The following DNAH3 variants were observed in gnomAD, a reference collection of about 807,000 sequenced individuals.
The protein encoded by DNAH3 is axonemal beta dynein heavy chain 3.
Under a neutral mutation model 432.5 loss-of-function variants are expected in DNAH3, and 332 were observed. The observed-to-expected ratio is 0.77, with a 90% CI of 0.70 to 0.84. The LOEUF (loss-of-function observed/expected upper bound fraction) is 0.84. DNAH3 is among the 40% of genes least tolerant of loss of function. DNAH3 has a pLI of 0.00. For missense variants in DNAH3, 4,861 were observed against 5,114.0 expected (o/e 0.95, Z 1.51); for synonymous variants, 1,956 against 1,900.2 (o/e 1.03, Z -0.76).
chr16:21,114,437 A>G (rs998076172), intron 12 of DNAH3, among the ~76,000 whole-genome samples: 1 of 152,220 alleles, frequency 6.6e-6, no homozygotes, highest in African/African-American at 2.4e-5. Flanking sequence ...GATGATAGTG[A>G]GTAAGCAGAA....
At position 21,098,340 on chromosome 16, in the gene DNAH3, G is replaced by A. The variant is rs1157799083; in HGVS notation, c.2520+276C>T. Among the ~76,000 whole-genome samples, 3 of 151,214 alleles carry A rather than the reference G, an allele frequency of 2.0e-5. No homozygotes were observed. The Admixed American group carries it at 2.0e-4, about 10-fold the overall frequency. On this transcript the variant is annotated intron_variant, in intron 17 of 61. Transcript: ENST00000261383. ...TGTAATCCCAGCTACTTGGAAGGCT[G>A]AGGCAGGAGAATCACTTGAACCCAG...
At chr16:20,980,395 C>T (rs2085843516) in intron 49 of DNAH3, among the ~76,000 whole-genome samples, 2 of 129,060 alleles carry the variant, frequency 1.5e-5, no homozygotes, top group Non-Finnish European at 3.4e-5. Context: ...GAGAGAGAGA[C>T]AGGATTGCAC....
intron 41 of DNAH3, among the ~76,000 whole-genome samples, chr16:21,011,942 T>C (rs2087622674): frequency 3.9e-5 from 6 of 152,140 alleles, no homozygotes; most frequent in Admixed American, 3.9e-4. Flanking sequence ...ATCCTTACTA[T>C]TATTATTGTC....
At chr16:20,948,777 G>A (rs1002694761) in intron 56 of DNAH3, 140 bp from the exon 57 acceptor site, 26 of 937,708 alleles carry the variant, frequency 2.8e-5, no homozygotes, top group African/African-American at 2.3e-4. Context: ...GGAAAATTCC[G>A]GGCAGAAGAT....
chr16:21,077,181 C>G (rs2091005228), intron 20 of DNAH3, among the ~76,000 whole-genome samples: 1 of 151,594 alleles, frequency 6.6e-6, no homozygotes, highest in South Asian at 2.1e-4. Flanking sequence ...TTTTTTCCCC[C>G]AGATGGAGTC....
chr16:20,955,214 A>G (rs1383901649), intron 54 of DNAH3, among the ~76,000 whole-genome samples, 157 bp from the exon 55 acceptor site: 1 of 151,850 alleles, frequency 6.6e-6, no homozygotes, highest in Non-Finnish European at 1.5e-5. Context: ...TGATAAATTA[A>G]AAAAAAATAA....
exon 46 of DNAH3, chr16:20,987,699 G>A (rs2086268320): frequency 6.2e-7 from 1 of 1,613,378 alleles, no homozygotes; most frequent in African/African-American, 1.3e-5. Flanking sequence ...TGACCTGCAG[G>A]TGTGTGTGAG....
At chr16:20,945,242 A>G (rs1012778557) in intron 57 of DNAH3, among the ~76,000 whole-genome samples, 6 of 152,214 alleles carry the variant, frequency 3.9e-5, no homozygotes, top group South Asian at 2.1e-4. Context: ...ATAATGCATT[A>G]GCATGCTATG....
In DNAH3 at chr16:20,989,829, C is replaced by T. The variant is rs560566090; in HGVS notation, c.6602-1764G>A. 5.9e-5 allele frequency among the ~76,000 whole-genome samples: 9 copies of T among 152,370 alleles called. No individual in the cohort carries two copies. In the East Asian group the frequency reaches 1.4e-3, roughly 23 times the overall value. On this transcript the variant is annotated intron_variant, in intron 44 of 61. Transcript: ENST00000261383. The stretch of plus-strand genomic sequence containing the variant: ...GCTCAGTGAGAAATCGAGCGCAGCA[C>T]CGGTGGGCTGGCACTGCTGGGGGAC...
At chr16:20,974,047 G>T (rs532512720) in intron 51 of DNAH3, among the ~76,000 whole-genome samples, 16 of 151,990 alleles carry the variant, frequency 1.1e-4, no homozygotes, top group Non-Finnish European at 2.2e-4. Flanking sequence ...TTTGAGACTG[G>T]GTCTTGCTCT....
chr16:20,958,416 T>C (rs2084671342), intron 54 of DNAH3, among the ~76,000 whole-genome samples: 1 of 152,126 alleles, frequency 6.6e-6, no homozygotes, highest in African/African-American at 2.4e-5. Context: ...AAATCAGACT[T>C]GCTCACATTG....
At chr16:20,953,338 T>C (rs972167905) in intron 55 of DNAH3, among the ~76,000 whole-genome samples, 1 of 152,060 alleles carries the variant, frequency 6.6e-6, no homozygotes, top group African/African-American at 2.4e-5. Flanking sequence ...TACGTAGTTT[T>C]AGTAGAGACG....
chr16:21,129,022 T>C (rs1051008675), intron 7 of DNAH3, among the ~76,000 whole-genome samples: 4 of 152,094 alleles, frequency 2.6e-5, no homozygotes, highest in South Asian at 2.1e-4. Context: ...TCAGATTCTA[T>C]CTGCTCCAAA....
intron 47 of DNAH3, among the ~76,000 whole-genome samples, chr16:20,986,707 T>C (rs1311170968): frequency 2.6e-5 from 4 of 152,164 alleles, no homozygotes; most frequent in African/African-American, 9.7e-5. Flanking sequence ...ACTCTGTGCC[T>C]GGAGTAGGAA....
chr16:21,090,891 C>A (rs1372904089), intron 18 of DNAH3, among the ~76,000 whole-genome samples: 1 of 152,132 alleles, frequency 6.6e-6, no homozygotes, highest in Non-Finnish European at 1.5e-5. Context: ...GTGGCTCATG[C>A]CTGTAATCCT....
chr16:21,134,378 T>C (rs1439013822), exon 7 of DNAH3: 1 of 1,614,216 alleles, frequency 6.2e-7, no homozygotes, highest in Admixed American at 1.7e-5. Context: ...CCCGGATCAC[T>C]CTTTGAGGAA....
Position 21,000,216 on chromosome 16 carries a change from T to C in DNAH3, c.6421+8A>G. 6.2e-7 allele frequency: 1 copy of C among 1,611,276 alleles called. No individual in the cohort carries two copies. Among genetic ancestry groups the C allele is most frequent in the Non-Finnish European group, 8.5e-7 (1 of 1,178,174 alleles). ...CTGGTTGTGTCCAGACCCAGCCCAA[T>C]GCCTTACCCACAAACACCACTGCTT... is the stretch of plus-strand genomic sequence containing the variant. On this transcript the variant is annotated splice_region_variant and intron_variant, in intron 43 of 61. Transcript: ENST00000261383.
exon 50 of DNAH3, chr16:20,979,517 T>C (rs200775708): frequency 1.2e-6 from 2 of 1,614,128 alleles, no homozygotes; most frequent in Non-Finnish European, 1.7e-6. Context: ...CTTGACGCTC[T>C]CTTGGAAATA....
exon 43 of DNAH3, chr16:21,000,320 C>T (rs1213377570): frequency 6.2e-7 from 1 of 1,614,098 alleles, no homozygotes; most frequent in Admixed American, 1.7e-5. Context: ...GTCTGATTGG[C>T]TGAGGTTCTG....
Sources: gnomAD v4.1 joint callset for allele counts (sites outside exome capture counted in the v4.1 genomes callset) on GRCh38, gnomAD v4.1.1 for gene constraint, MANE v1.5 for transcripts, NCBI Gene and HGNC (gene_info 2026-07-23, HGNC 2026-07-21) for gene names.